The following FSTL5 variants were observed in gnomAD, a reference collection of about 807,000 sequenced individuals.
FSTL5 encodes follistatin like 5, also known as follistatin-related protein 5.
Under a neutral mutation model 89.1 loss-of-function variants are expected in FSTL5, and 62 were observed. The observed-to-expected ratio is 0.70, with a 90% CI of 0.57 to 0.86. The LOEUF (loss-of-function observed/expected upper bound fraction) is 0.86, where lower values mean the gene tolerates loss of function less well. Ranked by LOEUF, FSTL5 falls within the 40% of genes least tolerant of loss-of-function variation. The pLI is 0.00. For missense variants in FSTL5, 1,057 were observed against 1,001.6 expected (o/e 1.06, Z -0.75); for synonymous variants, 383 against 346.2 (o/e 1.11, Z -1.18).
intron 3 of FSTL5, among the ~76,000 whole-genome samples, chr4:161,997,900 G>A (rs1322263109): frequency 2.6e-5 from 4 of 152,066 alleles, no homozygotes; most frequent in Middle Eastern, 3.2e-3. Context: ...CACCGCGCCC[G>A]GCCAAGTGTG....
At chr4:161,482,569 C>T (rs1167209453) in intron 12 of FSTL5, among the ~76,000 whole-genome samples, 1 of 152,144 alleles carries the variant, frequency 6.6e-6, no homozygotes, top group Non-Finnish European at 1.5e-5. Flanking sequence ...ATCAACCACA[C>T]TTTCATCATC....
At chr4:161,541,802 G>T (rs536248841) in intron 9 of FSTL5, among the ~76,000 whole-genome samples, 1 of 151,946 alleles carries the variant, frequency 6.6e-6, no homozygotes, top group South Asian at 2.1e-4. Context: ...TGAGTGTTGT[G>T]TGTTACCCCT....
rs1171465298 is a variant in FSTL5, at chr4:162,048,461, A to G, written c.127-14803T>C. 6.6e-5 allele frequency among the ~76,000 whole-genome samples: 10 copies of G among 152,180 alleles called. No individual in the cohort carries two copies. The East Asian group carries it at 1.9e-3, about 29-fold the overall frequency. On this transcript the variant is annotated intron_variant, in intron 2 of 15. Transcript: ENST00000306100. ...GAATAATTTAAATTGGTAACACTCA[A>G]GAACATGTTATAAACAAAGATATAA...
At chr4:161,538,054 TATA>T (rs1731689193) in intron 10 of FSTL5, 109 bp downstream of exon 10, 1 of 901,778 alleles carries the variant, frequency 1.1e-6, no homozygotes, top group Admixed American at 2.3e-5. Context: ...ATCTATTTGT[TATA>T]ATGCATTGTG....
chr4:162,100,367 T>C (rs1348943070), intron 2 of FSTL5, among the ~76,000 whole-genome samples: 3 of 152,142 alleles, frequency 2.0e-5, no homozygotes, highest in African/African-American at 7.2e-5. Context: ...GAGACCATCC[T>C]GGCTAACACG....
chr4:161,538,794 C>G (rs976714154), intron 9 of FSTL5, among the ~76,000 whole-genome samples: 12 of 152,000 alleles, frequency 7.9e-5, no homozygotes, highest in Admixed American at 7.2e-4. Context: ...GACAGAATCT[C>G]ATTCTGTCAC....
intron 2 of FSTL5, among the ~76,000 whole-genome samples, chr4:162,039,128 T>C (rs913190691): frequency 2.6e-5 from 4 of 151,852 alleles, no homozygotes; most frequent in Non-Finnish European, 5.9e-5. Context: ...AGAATTGAGT[T>C]GGTCTCCTAA....
chr4:162,068,939 A>T (rs1040839020), intron 2 of FSTL5, among the ~76,000 whole-genome samples: 1 of 152,158 alleles, frequency 6.6e-6, no homozygotes, highest in Non-Finnish European at 1.5e-5. Flanking sequence ...AAGCATTTGA[A>T]AAAAAGCTCA....
At chr4:161,578,908 A>G (rs1365137626) in intron 8 of FSTL5, among the ~76,000 whole-genome samples, 1 of 152,178 alleles carries the variant, frequency 6.6e-6, no homozygotes, top group African/African-American at 2.4e-5. Context: ...AAAAAAAAGT[A>G]AAAATATCTT....
At chr4:162,100,877 A>T (rs916811895) in intron 2 of FSTL5, among the ~76,000 whole-genome samples, 26 of 152,222 alleles carry the variant, frequency 1.7e-4, no homozygotes, top group Non-Finnish European at 3.7e-4. Flanking sequence ...AGAGGCCCTT[A>T]ACTCAAGAGA....
At chr4:161,953,432 T>C (rs1734950754) in intron 3 of FSTL5, among the ~76,000 whole-genome samples, 1 of 151,620 alleles carries the variant, frequency 6.6e-6, no homozygotes, top group Admixed American at 6.6e-5. Flanking sequence ...AAAAAAATAC[T>C]ATAAAATATA....
intron 7 of FSTL5, among the ~76,000 whole-genome samples, chr4:161,632,660 AAAAG>A (rs1312594447): frequency 2.0e-5 from 3 of 152,168 alleles, no homozygotes; most frequent in Non-Finnish European, 4.4e-5. Context: ...AGTCTGAGTT[AAAAG>A]AAAGAGTTTT....
At chr4:161,839,306 A>G (rs1282397695) in intron 4 of FSTL5, among the ~76,000 whole-genome samples, 1 of 152,130 alleles carries the variant, frequency 6.6e-6, no homozygotes, top group Non-Finnish European at 1.5e-5. Flanking sequence ...AAGAGACCAC[A>G]ACTTAATAAT....
intron 3 of FSTL5, among the ~76,000 whole-genome samples, chr4:162,032,050 T>C (rs914663804): frequency 6.6e-6 from 1 of 152,164 alleles, no homozygotes; most frequent in African/African-American, 2.4e-5. Context: ...AAATTGTTAT[T>C]GCATTATAAA....
chr4:161,885,266 C>T (rs974146427), intron 4 of FSTL5, among the ~76,000 whole-genome samples: 6 of 151,928 alleles, frequency 3.9e-5, no homozygotes, highest in South Asian at 2.1e-4. Flanking sequence ...AACTGGAGTA[C>T]GAGTAAAAGC....
chr4:161,416,958 T>C (rs1032655872), intron 15 of FSTL5, among the ~76,000 whole-genome samples: 10 of 152,064 alleles, frequency 6.6e-5, no homozygotes, highest in African/African-American at 2.2e-4. Flanking sequence ...TCTCTACCTA[T>C]CTCTTTTCTA....
chr4:161,635,228 A>G (rs547868986), intron 7 of FSTL5, among the ~76,000 whole-genome samples: 10 of 152,102 alleles, frequency 6.6e-5, no homozygotes, highest in South Asian at 2.1e-4. Context: ...CTCTATTAAA[A>G]ATACAAAAAA....
intron 15 of FSTL5, chr4:161,388,283 C>T (rs1424853402): frequency 1.3e-5 from 2 of 151,856 alleles, no homozygotes; most frequent in African/African-American, 4.8e-5. Context: ...CATACCATAC[C>T]CATTCAGGAT....
chr4:162,064,301 G>T (rs570700453), intron 2 of FSTL5, among the ~76,000 whole-genome samples: 1 of 152,082 alleles, frequency 6.6e-6, no homozygotes, highest in South Asian at 2.1e-4. Context: ...GAAGGGATGT[G>T]AAATGTTTTA....
Sources: allele counts gnomAD v4.1 joint callset (sites outside exome capture counted in the v4.1 genomes callset), GRCh38; gene constraint gnomAD v4.1.1; transcripts MANE v1.5; gene names NCBI Gene and HGNC (gene_info 2026-07-23, HGNC 2026-07-21).